MARCHF3: variants seen among roughly 807,000 people sequenced by gnomAD.
MARCHF3 encodes E3 ubiquitin-protein ligase MARCHF3.
MARCHF3 carries 13 observed loss-of-function variants against 24.2 expected under a neutral mutation model. The observed-to-expected ratio is 0.54, with a 90% CI of 0.35 to 0.85. The LOEUF (loss-of-function observed/expected upper bound fraction) is 0.85. MARCHF3 is among the 40% of genes least tolerant of loss of function. The pLI, the probability that MARCHF3 is intolerant of heterozygous loss-of-function variation, is 0.01. For synonymous variants in MARCHF3, 144 were observed against 137.3 expected, an observed-to-expected ratio of 1.05 and a Z score of -0.34; for missense variants, 276 against 325.0, an observed-to-expected ratio of 0.85 and a Z score of 1.16.
At chr5:126,993,582 A>C (rs1387450218) in intron 1 of MARCHF3, among the ~76,000 whole-genome samples, 1 of 152,110 alleles carries the variant, frequency 6.6e-6, no homozygotes, top group African/African-American at 2.4e-5. Context: ...GGCTCAGTAG[A>C]TTTTCTGAGC....
At chr5:126,941,517 G>C (rs1194282600) in intron 1 of MARCHF3, among the ~76,000 whole-genome samples, 1 of 152,130 alleles carries the variant, frequency 6.6e-6, no homozygotes, top group Non-Finnish European at 1.5e-5. Flanking sequence ...ATTATGCTTG[G>C]GTTTTCAAAA....
intron 1 of MARCHF3, among the ~76,000 whole-genome samples, chr5:126,992,037 T>A (rs1435636290): frequency 6.6e-6 from 1 of 152,168 alleles, no homozygotes; most frequent in African/African-American, 2.4e-5. Flanking sequence ...TACCTGATGA[T>A]AAAAGAGAAC....
intron 1 of MARCHF3, among the ~76,000 whole-genome samples, chr5:127,017,349 T>C (rs536339720): frequency 1.2e-3 from 185 of 152,342 alleles, no homozygotes; most frequent in African/African-American, 4.1e-3. Flanking sequence ...AATGGTGTCC[T>C]TAAAACTGCA....
intron 3 of MARCHF3, among the ~76,000 whole-genome samples, chr5:126,891,081 G>A (rs1265298777): frequency 6.6e-6 from 1 of 150,796 alleles, no homozygotes; most frequent in Non-Finnish European, 1.5e-5. Context: ...CTGCATAAAT[G>A]TCTTCTTTTG....
intron 1 of MARCHF3, among the ~76,000 whole-genome samples, chr5:126,935,415 C>T (rs1228395961): frequency 6.6e-6 from 1 of 152,020 alleles, no homozygotes; most frequent in Non-Finnish European, 1.5e-5. Flanking sequence ...CAAACTGAAA[C>T]ATGGGCTCTT....
At chr5:126,946,371 A>AC (rs1750010135) in intron 1 of MARCHF3, 1 of 138,928 alleles carries the variant, frequency 7.2e-6, no homozygotes, top group East Asian at 2.1e-4. Flanking sequence ...GATTCTGTCA[A>AC]AAAAAAAAAA....
At chr5:126,894,668 G>A (rs920800759) in intron 3 of MARCHF3, among the ~76,000 whole-genome samples, 9 of 152,134 alleles carry the variant, frequency 5.9e-5, no homozygotes, top group African/African-American at 1.9e-4. Context: ...CTGTTAGTCT[G>A]ATGGGCTTCC....
chr5:126,945,447 G>C (rs1340254324), intron 1 of MARCHF3, among the ~76,000 whole-genome samples: 1 of 152,224 alleles, frequency 6.6e-6, no homozygotes, highest in Non-Finnish European at 1.5e-5. Context: ...GAGGAAATGA[G>C]GTTAAGCTGA....
chr5:126,932,564 C>A (rs1043854785), intron 1 of MARCHF3, among the ~76,000 whole-genome samples: 4 of 152,134 alleles, frequency 2.6e-5, no homozygotes, highest in East Asian at 1.9e-4. Context: ...GTCATTGGAA[C>A]AATGGGGTAA....
chr5:126,879,519 C>A (rs1753280649), intron 3 of MARCHF3, among the ~76,000 whole-genome samples: 2 of 152,188 alleles, frequency 1.3e-5, no homozygotes, highest in African/African-American at 4.8e-5. Context: ...TGGGGAAAAC[C>A]TCATGCTTGT....
chr5:126,980,357 G>T (rs913048169), intron 1 of MARCHF3, among the ~76,000 whole-genome samples: 2 of 151,832 alleles, frequency 1.3e-5, no homozygotes, highest in African/African-American at 4.8e-5. Flanking sequence ...TTGAGTTTGA[G>T]ATGTTGATGA....
chr5:127,024,806 C>A (rs929344306), intron 1 of MARCHF3, among the ~76,000 whole-genome samples: 7 of 152,112 alleles, frequency 4.6e-5, no homozygotes, highest in Non-Finnish European at 7.4e-5. Flanking sequence ...ATTATGAGTT[C>A]TCTTGTTGTT....
chr5:126,976,649 A>G (rs1751209728), intron 1 of MARCHF3, among the ~76,000 whole-genome samples: 1 of 152,188 alleles, frequency 6.6e-6, no homozygotes, highest in South Asian at 2.1e-4. Context: ...TGAGGTCACC[A>G]TGGCTTTCTC....
chr5:126,872,928 G>A (rs1399358675), intron 4 of MARCHF3, among the ~76,000 whole-genome samples: 2 of 152,032 alleles, frequency 1.3e-5, no homozygotes, highest in Non-Finnish European at 2.9e-5. Context: ...GAATGTAGGA[G>A]AGGCAGGCTG....
chr5:126,892,613 C>A (rs1411133216), intron 3 of MARCHF3, among the ~76,000 whole-genome samples: 2 of 149,868 alleles, frequency 1.3e-5, no homozygotes, highest in Non-Finnish European at 2.9e-5. Context: ...GTATATTGAA[C>A]CAACCTTGCA....
chr5:126,999,745 G>A (rs1028547145), intron 1 of MARCHF3, among the ~76,000 whole-genome samples: 5 of 152,018 alleles, frequency 3.3e-5, no homozygotes, highest in Non-Finnish European at 5.9e-5. Context: ...AATGAACACC[G>A]ATTATTATAA....
chr5:126,894,402 G>C (rs1269775479), intron 3 of MARCHF3, among the ~76,000 whole-genome samples: 1 of 151,198 alleles, frequency 6.6e-6, no homozygotes, highest in African/African-American at 2.4e-5. Context: ...TTACATTTTG[G>C]CATGATTTTG....
intron 1 of MARCHF3, among the ~76,000 whole-genome samples, chr5:126,983,255 G>A (rs1219742250): frequency 1.3e-5 from 2 of 152,182 alleles, no homozygotes; most frequent in Admixed American, 1.3e-4. Flanking sequence ...TAAATGAAGG[G>A]ACAGATGATC....
intron 1 of MARCHF3, among the ~76,000 whole-genome samples, chr5:126,919,955 A>G: frequency 6.6e-6 from 1 of 152,324 alleles, no homozygotes; most frequent in East Asian, 1.9e-4. Flanking sequence ...TGCCATTTTC[A>G]AGACCAGCAA....
Sources: gnomAD v4.1 joint callset for allele counts (sites outside exome capture counted in the v4.1 genomes callset) on GRCh38, gnomAD v4.1.1 for gene constraint, MANE v1.5 for transcripts, NCBI Gene and HGNC (gene_info 2026-07-23, HGNC 2026-07-21) for gene names.